The following RNASET2 variants were observed in gnomAD, a reference collection of about 807,000 sequenced individuals.
RNASET2 encodes the protein ribonuclease T2, also known as ribonuclease 6.
RNASET2 carries 28 observed loss-of-function variants against 33.9 expected under a neutral mutation model. That is an observed-to-expected ratio of 0.83 (90% confidence interval 0.61 to 1.13). The LOEUF (loss-of-function observed/expected upper bound fraction) is 1.13, where lower values mean the gene tolerates loss of function less well. Ranked by LOEUF, RNASET2 falls within the 50% of genes most tolerant of loss-of-function variation. The probability of loss-of-function intolerance (pLI) is 0.00; values close to 1 mark genes in which losing one functional copy is unlikely to be tolerated. For missense variants in RNASET2, 330 were observed against 319.9 expected, an observed-to-expected ratio of 1.03 and a Z score of -0.24; for synonymous variants, 123 against 121.0, an observed-to-expected ratio of 1.02 and a Z score of -0.11.
In RNASET2 at chr6:166,927,798, C is replaced by T. The variant is rs1020967635; in HGVS notation, c.*1790G>A. Among the ~76,000 whole-genome samples, 6 of 151,802 alleles carry T rather than the reference C, an allele frequency of 4.0e-5. No individual in the cohort carries two copies. The highest frequency in any genetic ancestry group is 8.8e-5 in the Non-Finnish European group (6 of 68,008). On this transcript the variant is annotated 3_prime_UTR_variant, in exon 9 of 9. Coordinates refer to ENST00000508775, the MANE Select transcript of RNASET2 (RefSeq NM_003730.6). ...GTCCAACTCTAAAGTACACCCACTC[C>T]CTGAGGACGCAGAGCAAATGCAGGA...
At chr6:166,938,452 T>C (rs375081652) in intron 6 of RNASET2, 1 of 487,672 alleles carries the variant, frequency 2.1e-6, no homozygotes. Flanking sequence ...TTCTGGGGCT[T>C]AAAGAACCCT....
At position 166,955,169 on chromosome 6, in the gene RNASET2, C is replaced by A. The variant is rs544188434; in HGVS notation, c.86+928G>T. Among the ~76,000 whole-genome samples the A allele has an allele frequency of 1.6e-5, 2 of 127,928 alleles. 1 individual carries two copies. The highest frequency in any genetic ancestry group is 6.0e-5 in the African/African-American group (2 of 33,254). The allele number at this position is 127,928 out of a possible 152,430, so 83.9% of individuals were successfully genotyped here. A position where few individuals can be genotyped will look rare whatever the true frequency, so the allele number is the denominator to read the frequency against. ...CCTGTTTACCCCTAATTAATTTGGG[C>A]GGCTGCCACACACACACACGCACAC... On this transcript the variant is annotated intron_variant, in intron 1 of 8. Coordinates refer to ENST00000508775, the MANE Select transcript of RNASET2 (RefSeq NM_003730.6).
At position 166,939,002 on chromosome 6, in the gene RNASET2, A is replaced by T; in HGVS notation, c.339T>A (p.His113Gln). Residue 113 changes from histidine to glutamine, a missense_variant, in exon 6 of 9, where the codon CAT becomes CAA. By Grantham distance (24) the His-to-Gln change is conservative. Coordinates refer to ENST00000508775, the MANE Select transcript of RNASET2 (RefSeq NM_003730.6). ...SFPNRSRFWK[H>Q]EWEKHGTCAA... ...CGCAGGTCCCATGCTTTTCCCACTC[A>T]TGCTTCCTGTGAGGATTAGGAAAAA... is the stretch of plus-strand genomic sequence containing the variant. 1 of 1,611,306 alleles carries T rather than the reference A, an allele frequency of 6.2e-7. No homozygotes were observed. Among genetic ancestry groups the T allele is most frequent in the Non-Finnish European group, 8.5e-7 (1 of 1,178,396 alleles).
intron 2 of RNASET2, among the ~76,000 whole-genome samples, chr6:166,950,101 G>A (rs772949570): frequency 2.0e-5 from 3 of 152,184 alleles, no homozygotes; most frequent in Non-Finnish European, 4.4e-5. Flanking sequence ...ACACACCCAC[G>A]TTTTGTCATG....
intron 3 of RNASET2, among the ~76,000 whole-genome samples, chr6:166,948,217 G>T (rs993215200): frequency 6.6e-6 from 1 of 152,058 alleles, no homozygotes; most frequent in Non-Finnish European, 1.5e-5. Flanking sequence ...GTGGTGGGGC[G>T]TGCCTGCAAT....
At chr6:166,956,067 C>A (rs1189272083) in intron 1 of RNASET2, 30 bp downstream of exon 1, 4 of 1,546,500 alleles carry the variant, frequency 2.6e-6, no homozygotes, top group Non-Finnish European at 3.5e-6. Flanking sequence ...GGCTCCCACG[C>A]TCCCCACTTT....
chr6:166,934,583 G>A (rs1393305987), intron 6 of RNASET2: 2 of 215,128 alleles, frequency 9.3e-6, no homozygotes, highest in Non-Finnish European at 9.4e-6. Flanking sequence ...GTACGAGGGC[G>A]GTCCCATATG....
chr6:166,930,882 G>A (rs1415865283), intron 8 of RNASET2, among the ~76,000 whole-genome samples, 162 bp downstream of exon 8: 1 of 149,440 alleles, frequency 6.7e-6, no homozygotes, highest in Admixed American at 6.6e-5. Flanking sequence ...ACACATGCAT[G>A]TACACACACA....
At chr6:166,949,639 G>A (rs902425721) in intron 2 of RNASET2, among the ~76,000 whole-genome samples, 3 of 152,142 alleles carry the variant, frequency 2.0e-5, no homozygotes, top group South Asian at 2.1e-4. Flanking sequence ...GCTCAGTGCT[G>A]GAGAAAGAGG....
intron 1 of RNASET2, among the ~76,000 whole-genome samples, chr6:166,954,974 G>A (rs966083044): frequency 2.0e-5 from 3 of 152,090 alleles, no homozygotes; most frequent in African/African-American, 7.2e-5. Flanking sequence ...CTGAGTGACA[G>A]AGTAAGACTG....
chr6:166,934,316 C>T, intron 6 of RNASET2, 180 bp from the exon 7 acceptor site: 2 of 620,536 alleles, frequency 3.2e-6, no homozygotes, highest in Non-Finnish European at 5.8e-6. Context: ...CAGTCCCCGC[C>T]TTCCCCACCC....
At chr6:166,955,288 A>G (rs1157895882) in intron 1 of RNASET2, among the ~76,000 whole-genome samples, 1 of 68,394 alleles carries the variant, frequency 1.5e-5, no homozygotes, top group East Asian at 6.9e-4. Context: ...CACGACACAC[A>G]CGCACAGACG....
In RNASET2 at chr6:166,925,023, CCA is replaced by C. The variant is rs372602667; in HGVS notation, c.*4563_*4564del. Among the ~76,000 whole-genome samples the C allele has an allele frequency of 1.3e-4, 20 of 150,164 alleles. No individual in the cohort carries two copies. Among genetic ancestry groups the C allele is most frequent in the African/African-American group, 5.0e-4 (20 of 40,262 alleles). ...CTCATCTACGCCATCCAGCCCTCAC[CCA>C]CAGTGTCCAGACCTCACTTCTCCCA... is the stretch of plus-strand genomic sequence containing the variant. On this transcript the variant is annotated 3_prime_UTR_variant, in exon 9 of 9. Transcript: ENST00000508775.
Position 166,927,794 on chromosome 6 carries a change from A to G in RNASET2, c.*1794T>C, listed in dbSNP as rs1778330917. The stretch of plus-strand genomic sequence containing the variant: ...AAGAGTCCAACTCTAAAGTACACCC[A>G]CTCCCTGAGGACGCAGAGCAAATGC... On this transcript the variant is annotated 3_prime_UTR_variant, in exon 9 of 9. Transcript: ENST00000508775. Among the ~76,000 whole-genome samples the G allele has an allele frequency of 6.6e-6, 1 of 150,484 alleles. No homozygotes were observed. The highest frequency in any genetic ancestry group is 6.7e-5 in the Admixed American group (1 of 15,012).
rs529189377 is a variant in RNASET2, at chr6:166,926,931, C to G, written c.*2657G>C. Among the ~76,000 whole-genome samples, 2 of 152,190 alleles carry G rather than the reference C, an allele frequency of 1.3e-5. No homozygotes were observed. Among genetic ancestry groups the G allele is most frequent in the Admixed American group, 1.3e-4 (2 of 15,286 alleles). On this transcript the variant is annotated 3_prime_UTR_variant, in exon 9 of 9. Transcript: ENST00000508775. ...GCTGCCCCTCCTGGCTGCTCTCCAT[C>G]CTGAGATGCGCCTGCTCCTTTGTCC...
At chr6:166,954,460 AC>A (rs1269455463) in intron 1 of RNASET2, among the ~76,000 whole-genome samples, 1 of 152,168 alleles carries the variant, frequency 6.6e-6, no homozygotes, top group African/African-American at 2.4e-5. Context: ...GCTGACTGTT[AC>A]TATTTCTACT....
intron 4 of RNASET2, chr6:166,943,431 G>A (rs1050471729): frequency 2.8e-6 from 1 of 353,338 alleles, no homozygotes; most frequent in Non-Finnish European, 5.5e-6. Flanking sequence ...ATTGCTAAGT[G>A]CAAGAAGCCA....
rs576639665 is a variant in RNASET2, at chr6:166,923,228, CTTT to C, written c.*6357_*6359del. 1.9e-5 allele frequency among the ~76,000 whole-genome samples: 2 copies of C among 102,660 alleles called. No homozygotes were observed. The highest frequency in any genetic ancestry group is 5.2e-5 in the African/African-American group (1 of 19,108). The allele number at this position is 102,660 out of a possible 152,430, so 67.3% of individuals were successfully genotyped here. On this transcript the variant is annotated 3_prime_UTR_variant, in exon 9 of 9. Coordinates refer to ENST00000508775, the MANE Select transcript of RNASET2 (RefSeq NM_003730.6). Reference sequence around the variant, plus strand: ...ACAGGCGTGAGCCACCAGGCCCGGCCTTTTTTTTTTTTTTTTTTTTTGAGACAG... The same window carrying C: ...ACAGGCGTGAGCCACCAGGCCCGGCCTTTTTTTTTTTTTTTTTTGAGACAG...
chr6:166,926,955 C>A lies in RNASET2; in HGVS notation c.*2633G>T, dbSNP rs939507957. On this transcript the variant is annotated 3_prime_UTR_variant, in exon 9 of 9. Coordinates refer to ENST00000508775, the MANE Select transcript of RNASET2 (RefSeq NM_003730.6). ...TCCTGAGATGCGCCTGCTCCTTTGTCCCCCTGGGAGACACTTGTACCCCCA... is the reference window on the plus strand; with the variant it reads ...TCCTGAGATGCGCCTGCTCCTTTGTACCCCTGGGAGACACTTGTACCCCCA... Among the ~76,000 whole-genome samples the A allele has an allele frequency of 3.3e-5, 5 of 152,174 alleles. No homozygotes were observed. The highest frequency in any genetic ancestry group is 1.2e-4 in the African/African-American group (5 of 41,442).
Sources: allele counts gnomAD v4.1 joint callset (sites outside exome capture counted in the v4.1 genomes callset), GRCh38; gene constraint gnomAD v4.1.1; transcripts MANE v1.5; gene names NCBI Gene and HGNC (gene_info 2026-07-23, HGNC 2026-07-21).